Variants in ZNF385D observed in about 807,000 individuals in gnomAD.
ZNF385D encodes zinc finger protein 385D, also known as zinc finger protein 659.
ZNF385D carries 15 observed loss-of-function variants against 35.8 expected under a neutral mutation model. The ratio of observed to expected loss-of-function variants is 0.42; its 90% CI spans 0.28 to 0.64. ZNF385D has a LOEUF of 0.64. Ranked by LOEUF, ZNF385D falls within the 30% of genes least tolerant of loss-of-function variation. The probability of loss-of-function intolerance (pLI) is 0.23; values close to 1 mark genes in which losing one functional copy is unlikely to be tolerated. For missense variants in ZNF385D, 474 were observed against 494.6 expected, an observed-to-expected ratio of 0.96 and a Z score of 0.39; for synonymous variants, 212 against 186.8, an observed-to-expected ratio of 1.13 and a Z score of -1.10.
chr3:21,988,248 C>A (rs1451218478), intron 3 of ZNF385D, among the ~76,000 whole-genome samples: 2 of 123,518 alleles, frequency 1.6e-5, no homozygotes, highest in African/African-American at 2.9e-5. Flanking sequence ...AGGCGCTCTG[C>A]GTTTTAGAGT....
intron 3 of ZNF385D, among the ~76,000 whole-genome samples, chr3:22,139,689 A>T (rs1704376950): frequency 6.6e-6 from 1 of 152,128 alleles, no homozygotes. Flanking sequence ...TTGGTGCAGT[A>T]CACCGACATG....
intron 2 of ZNF385D, among the ~76,000 whole-genome samples, chr3:21,649,742 T>G (rs1409336971): frequency 6.6e-6 from 1 of 152,206 alleles, no homozygotes; most frequent in Non-Finnish European, 1.5e-5. Flanking sequence ...CTAGAATTTA[T>G]TTTTTCCCAA....
Position 21,421,043 on chromosome 3 carries a change from C to T in ZNF385D, c.*171G>A. ...TTGGAGAAAATACCACTCCCTCCCT[C>T]CCACCCCCAAACCTCCCCCACTTTT... On this transcript the variant is annotated 3_prime_UTR_variant, in exon 8 of 8. Transcript: ENST00000281523. The T allele has an allele frequency of 8.0e-6, 2 of 250,080 alleles. No individual in the cohort carries two copies. Among genetic ancestry groups the T allele is most frequent in the Non-Finnish European group, 1.7e-5 (2 of 120,768 alleles). 15.5% of individuals were successfully genotyped at this position (250,080 alleles called of 1,614,324 possible).
At chr3:22,087,921 T>C (rs1701130746) in intron 3 of ZNF385D, among the ~76,000 whole-genome samples, 1 of 152,196 alleles carries the variant, frequency 6.6e-6, no homozygotes. Context: ...TGTTTCCTTT[T>C]ATCAACATTC....
chr3:21,601,949 G>A (rs368970012), intron 2 of ZNF385D, among the ~76,000 whole-genome samples: 2 of 152,154 alleles, frequency 1.3e-5, no homozygotes, highest in South Asian at 2.1e-4. Flanking sequence ...AATAAAGCAC[G>A]TGTATTAGTC....
chr3:21,673,661 ATCATAC>A (rs2066641495), intron 1 of ZNF385D, among the ~76,000 whole-genome samples: 1 of 152,106 alleles, frequency 6.6e-6, no homozygotes, highest in Non-Finnish European at 1.5e-5. Flanking sequence ...AGCAATGATG[ATCATAC>A]TCAAAGAACA....
intron 5 of ZNF385D, among the ~76,000 whole-genome samples, chr3:21,433,165 C>T (rs187627092): frequency 6.6e-6 from 1 of 152,246 alleles, no homozygotes; most frequent in Admixed American, 6.5e-5. Context: ...ACTTCTAGTC[C>T]ATTCTGCTGT....
intron 3 of ZNF385D, among the ~76,000 whole-genome samples, chr3:21,879,017 T>C (rs1046146905): frequency 5.3e-5 from 8 of 152,136 alleles, no homozygotes; most frequent in Admixed American, 2.6e-4. Flanking sequence ...AGTTCTCTTG[T>C]GATACACTAC....
intron 3 of ZNF385D, among the ~76,000 whole-genome samples, chr3:22,072,232 T>C (rs1700263706): frequency 6.6e-6 from 1 of 152,102 alleles, no homozygotes. Flanking sequence ...AATTTCTTAA[T>C]TGGGCATGGA....
intron 1 of ZNF385D, among the ~76,000 whole-genome samples, chr3:21,741,466 G>T (rs370591837): frequency 6.6e-6 from 1 of 152,124 alleles, no homozygotes; most frequent in East Asian, 1.9e-4. Flanking sequence ...TGATGGTAAC[G>T]GTGACTTCCT....
intron 3 of ZNF385D, among the ~76,000 whole-genome samples, chr3:22,047,782 C>A (rs1699094584): frequency 6.6e-6 from 1 of 152,130 alleles, no homozygotes; most frequent in African/African-American, 2.4e-5. Flanking sequence ...ATTGCCAAAT[C>A]ATATGATAAT....
intron 3 of ZNF385D, among the ~76,000 whole-genome samples, chr3:22,139,128 A>G: frequency 6.6e-6 from 1 of 152,190 alleles, no homozygotes; most frequent in East Asian, 1.9e-4. Context: ...GGTACTGGAG[A>G]GGATGTGGAG....
rs9872798 is a variant in ZNF385D at position 21,678,630 on chromosome 3, T to G, written c.23-13602A>C. ...TGTTTGACTTAAATTGTAAAGATTA[T>G]TTTGTGCTTTTGAACGGACATTAAT... is the stretch of plus-strand genomic sequence containing the variant. On this transcript the variant is annotated intron_variant, in intron 1 of 7. Coordinates refer to ENST00000281523, the MANE Select transcript of ZNF385D (RefSeq NM_024697.3). 2.1e-3 allele frequency among the ~76,000 whole-genome samples: 327 copies of G among 152,224 alleles called. 3 individuals carry two copies. Among genetic ancestry groups the G allele is most frequent in the African/African-American group, 7.5e-3 (310 of 41,556 alleles).
At chr3:21,571,709 C>A (rs1040116083) in intron 2 of ZNF385D, among the ~76,000 whole-genome samples, 78 of 152,202 alleles carry the variant, frequency 5.1e-4, no homozygotes, top group African/African-American at 1.9e-3. Context: ...AATTTTGGGG[C>A]TCCCATGCCC....
chr3:21,644,398 A>G (rs1483279062), intron 2 of ZNF385D, among the ~76,000 whole-genome samples: 1 of 152,086 alleles, frequency 6.6e-6, no homozygotes, highest in Non-Finnish European at 1.5e-5. Flanking sequence ...CCATTCCATC[A>G]CAGAATGCAG....
intron 3 of ZNF385D, among the ~76,000 whole-genome samples, chr3:22,156,701 T>A (rs1488104918): frequency 6.6e-6 from 1 of 152,096 alleles, no homozygotes; most frequent in African/African-American, 2.4e-5. Context: ...ATCTCTTTCC[T>A]CTTCCTCACC....
chr3:22,234,865 A>C (rs1699089278), intron 2 of ZNF385D, among the ~76,000 whole-genome samples: 1 of 152,062 alleles, frequency 6.6e-6, no homozygotes, highest in Non-Finnish European at 1.5e-5. Context: ...TATTTCATCA[A>C]CTATCCTGCA....
At chr3:21,972,393 T>A (rs573992008) in intron 3 of ZNF385D, among the ~76,000 whole-genome samples, 23 of 151,850 alleles carry the variant, frequency 1.5e-4, no homozygotes, top group African/African-American at 5.5e-4. Context: ...CAAATAAAAA[T>A]GGAAATACAA....
chr3:22,274,799 T>A (rs1317895507), intron 2 of ZNF385D, among the ~76,000 whole-genome samples: 294 of 142,772 alleles, frequency 2.1e-3, no homozygotes, highest in African/African-American at 5.3e-3. Context: ...TTTTTTTTTT[T>A]AAAAGTCTTC....
Sources: allele counts gnomAD v4.1 joint callset (sites outside exome capture counted in the v4.1 genomes callset), GRCh38; gene constraint gnomAD v4.1.1; transcripts MANE v1.5; gene names NCBI Gene and HGNC (gene_info 2026-07-23, HGNC 2026-07-21).